Variants in TRAF3 observed in about 807,000 individuals in gnomAD.
The protein encoded by TRAF3 is TNF receptor associated factor 3.
In TRAF3, 13 loss-of-function variants were observed where a neutral mutation model predicts 62.3. The observed-to-expected ratio is 0.21, with a 90% CI of 0.14 to 0.33. The LOEUF (loss-of-function observed/expected upper bound fraction) is 0.33, where lower values mean the gene tolerates loss of function less well. Among genes scored for constraint, TRAF3 ranks in the 10% least tolerant of loss-of-function variants. The pLI is 1.00. For synonymous variants in TRAF3, 269 were observed against 283.4 expected, an observed-to-expected ratio of 0.95 and a Z score of 0.51; for missense variants, 440 against 741.8, an observed-to-expected ratio of 0.59 and a Z score of 4.73.
rs1166121049 is a variant in TRAF3 at position 102,870,252 on chromosome 14, G to A, written c.51G>A (p.Pro17=). The part of the protein sequence containing the change: ...MDSPGALQTN[P]PLKLHTDRSA... ...CTCCTGGCGCGCTGCAGACTAACCC[G>A]CCGCTAAAGCTGCACACTGACCGCA... Residue 17 remains proline (P), a synonymous_variant, in exon 3 of 12, where the codon CCG becomes CCA. Transcript: ENST00000392745. 10 of 1,614,162 alleles carry A rather than the reference G, an allele frequency of 6.2e-6. No homozygotes were observed. The highest frequency in any genetic ancestry group is 6.8e-6 in the Non-Finnish European group (8 of 1,180,038).
chr14:102,904,549 G>A (rs936971220), intron 11 of TRAF3, among the ~76,000 whole-genome samples: 10 of 152,150 alleles, frequency 6.6e-5, no homozygotes, highest in Admixed American at 2.0e-4. Flanking sequence ...AGTGGCTCAC[G>A]CCTGTAATCC....
intron 2 of TRAF3, among the ~76,000 whole-genome samples, chr14:102,833,216 G>A (rs1885759630): frequency 6.6e-6 from 1 of 152,202 alleles, no homozygotes. Flanking sequence ...GTGGCACTCA[G>A]TACATGTTGG....
chr14:102,788,538 G>A (rs1323913107), intron 1 of TRAF3, among the ~76,000 whole-genome samples: 1 of 151,954 alleles, frequency 6.6e-6, no homozygotes, highest in Non-Finnish European at 1.5e-5. Context: ...GGTGTCTCAC[G>A]CCTGTAATCC....
At chr14:102,857,986 A>G (rs1887469789) in intron 2 of TRAF3, among the ~76,000 whole-genome samples, 1 of 152,234 alleles carries the variant, frequency 6.6e-6, no homozygotes, top group African/African-American at 2.4e-5. Flanking sequence ...AAGTAGCTCA[A>G]AAGTTTTCTT....
At chr14:102,827,997 G>A (rs1378967217) in intron 1 of TRAF3, among the ~76,000 whole-genome samples, 2 of 152,258 alleles carry the variant, frequency 1.3e-5, no homozygotes, top group Admixed American at 6.5e-5. Flanking sequence ...GATTCCCGCA[G>A]GGCGTACCTG....
chr14:102,877,561 C>T (rs187249015), intron 6 of TRAF3, among the ~76,000 whole-genome samples: 11 of 140,960 alleles, frequency 7.8e-5, no homozygotes, highest in East Asian at 4.5e-4. Context: ...GACTTCTGCT[C>T]AGCTCATAGA....
At chr14:102,855,863 G>A (rs1887334637) in intron 2 of TRAF3, among the ~76,000 whole-genome samples, 1 of 151,710 alleles carries the variant, frequency 6.6e-6, no homozygotes, top group Admixed American at 6.6e-5. Context: ...AGGCCAGGGT[G>A]GGAGGATCAC....
intron 1 of TRAF3, among the ~76,000 whole-genome samples, chr14:102,812,890 G>A (rs892362998): frequency 3.9e-5 from 6 of 152,026 alleles, no homozygotes; most frequent in African/African-American, 1.2e-4. Flanking sequence ...CTGCAGTCCG[G>A]CCTGGGCGAA....
intron 3 of TRAF3, among the ~76,000 whole-genome samples, chr14:102,871,139 T>A (rs1888318907): frequency 6.6e-6 from 1 of 152,158 alleles, no homozygotes. Flanking sequence ...CCTGGGAAGG[T>A]TGCCAGCTCC....
At chr14:102,793,551 C>G (rs1476607571) in intron 1 of TRAF3, among the ~76,000 whole-genome samples, 3 of 152,196 alleles carry the variant, frequency 2.0e-5, no homozygotes, top group Non-Finnish European at 4.4e-5. Flanking sequence ...AAGCAGACAA[C>G]CCTAACATCT....
chr14:102,801,820 C>G (rs1050288590), intron 1 of TRAF3, among the ~76,000 whole-genome samples: 17 of 151,862 alleles, frequency 1.1e-4, no homozygotes, highest in African/African-American at 3.9e-4. Context: ...AGATGGAGAC[C>G]ATCCTGGCTA....
intron 2 of TRAF3, among the ~76,000 whole-genome samples, chr14:102,867,582 C>T (rs1346488334): frequency 6.6e-6 from 1 of 151,996 alleles, no homozygotes; most frequent in African/African-American, 2.4e-5. Context: ...CATGGCCTGG[C>T]TGGGTGGGCC....
intron 1 of TRAF3, among the ~76,000 whole-genome samples, chr14:102,789,400 G>T (rs1897675530): frequency 6.6e-6 from 1 of 152,140 alleles, no homozygotes; most frequent in African/African-American, 2.4e-5. Context: ...TGGTCATACG[G>T]TAATATCGTG....
chr14:102,809,377 G>A (rs1213968523), intron 1 of TRAF3, among the ~76,000 whole-genome samples: 1 of 152,102 alleles, frequency 6.6e-6, no homozygotes, highest in East Asian at 1.9e-4. Context: ...TGATCTGCCT[G>A]CTTCAGCCTC....
intron 1 of TRAF3, among the ~76,000 whole-genome samples, chr14:102,810,952 GA>G (rs1194912721): frequency 1.3e-5 from 2 of 152,128 alleles, no homozygotes; most frequent in Non-Finnish European, 2.9e-5. Context: ...CATCAAGAAG[GA>G]ATTCTTCAGG....
intron 2 of TRAF3, among the ~76,000 whole-genome samples, chr14:102,832,779 A>G (rs537633728): frequency 2.0e-4 from 31 of 152,332 alleles, no homozygotes; most frequent in Admixed American, 1.8e-3. Context: ...TATATTAAGC[A>G]TGAATACAGC....
At position 102,875,465 on chromosome 14, in the gene TRAF3, C is replaced by T. The variant is rs186830905; in HGVS notation, c.298-159C>T. On this transcript the variant is annotated intron_variant, in intron 4 of 11. Transcript: ENST00000392745. ...TCTTAGTGGGGGCAGCTTCTTCATT[C>T]TACTTCTAGAAATCAAGATGGTCCT... 5.7e-4 allele frequency among the ~76,000 whole-genome samples: 86 copies of T among 150,748 alleles called. No homozygotes were observed. In the East Asian group the frequency reaches 0.015, roughly 27 times the overall value.
chr14:102,847,792 A>G (rs897348847), intron 2 of TRAF3, among the ~76,000 whole-genome samples: 2 of 152,198 alleles, frequency 1.3e-5, no homozygotes, highest in Non-Finnish European at 2.9e-5. Flanking sequence ...GGCTTTAGCA[A>G]TTTCATTCTT....
rs1890381133 is a variant in TRAF3, at chr14:102,903,028, C to T, written c.961-227C>T. 6.4e-6 allele frequency: 4 copies of T among 623,852 alleles called. No individual in the cohort carries two copies. The highest frequency in any genetic ancestry group is 1.8e-5 in the African/African-American group (1 of 54,734). 38.6% of individuals were successfully genotyped at this position (623,852 alleles called of 1,614,324 possible). A position where few individuals can be genotyped will look rare whatever the true frequency, so the allele number is the denominator to read the frequency against. ...CCTCCTGTTGTTTTCTTCCATGTGG[C>T]TTCATGTCACCTCGAGTGCTCCCTG... On this transcript the variant is annotated intron_variant, in intron 10 of 11. Transcript: ENST00000392745. The surrounding 1 kb of genome is among the most constrained non-coding windows in gnomAD (Gnocchi z 6.4).
Sources: allele counts gnomAD v4.1 joint callset (sites outside exome capture counted in the v4.1 genomes callset), GRCh38; gene constraint gnomAD v4.1.1; non-coding constraint Gnocchi (gnomAD v3.1); transcripts MANE v1.5; gene names NCBI Gene and HGNC (gene_info 2026-07-23, HGNC 2026-07-21).